Variants in SUGCT observed in about 807,000 individuals in gnomAD.
SUGCT encodes the protein succinyl-CoA:glutarate CoA-transferase.
A neutral mutation model predicts 55.0 loss-of-function variants in SUGCT; 41 were observed. That is an observed-to-expected ratio of 0.74 (90% CI 0.58 to 0.97). The LOEUF is 0.97. SUGCT is among the 50% of genes least tolerant of loss of function. SUGCT has a pLI of 0.00. For synonymous variants in SUGCT, 187 were observed against 200.4 expected (o/e 0.93, Z 0.56); for missense variants, 568 against 547.8 (o/e 1.04, Z -0.37).
At chr7:40,422,521 C>A (rs1023073197) in intron 9 of SUGCT, among the ~76,000 whole-genome samples, 3 of 152,056 alleles carry the variant, frequency 2.0e-5, no homozygotes, top group African/African-American at 7.2e-5. Context: ...TTGCAAATGT[C>A]TTTTTTCTTT....
chr7:40,154,576 C>T (rs1783787741), intron 1 of SUGCT, among the ~76,000 whole-genome samples: 1 of 152,004 alleles, frequency 6.6e-6, no homozygotes, highest in Non-Finnish European at 1.5e-5. Flanking sequence ...CTCCTGGGCT[C>T]AAGCAATCCT....
chr7:40,730,307 A>G (rs1426037929), intron 12 of SUGCT, among the ~76,000 whole-genome samples: 1 of 152,106 alleles, frequency 6.6e-6, no homozygotes, highest in Admixed American at 6.5e-5. Flanking sequence ...GGGTTTCACC[A>G]TGTTGACCAG....
At chr7:40,715,014 G>C (rs1029182174) in intron 12 of SUGCT, among the ~76,000 whole-genome samples, 3 of 152,114 alleles carry the variant, frequency 2.0e-5, no homozygotes, top group African/African-American at 7.2e-5. Flanking sequence ...TCAGTACACA[G>C]AGTGAATGTG....
At chr7:40,786,950 GC>G (rs1195749911) in intron 13 of SUGCT, among the ~76,000 whole-genome samples, 1 of 152,186 alleles carries the variant, frequency 6.6e-6, no homozygotes, top group Non-Finnish European at 1.5e-5. Context: ...CTTAATGTCA[GC>G]CCTGGTGAAA....
intron 13 of SUGCT, among the ~76,000 whole-genome samples, chr7:40,828,453 A>G (rs1792467257): frequency 6.6e-6 from 1 of 152,134 alleles, no homozygotes; most frequent in African/African-American, 2.4e-5. Flanking sequence ...GGGATGGAGA[A>G]AAGGCATCTG....
chr7:40,222,805 T>A (rs1788088574), intron 6 of SUGCT, among the ~76,000 whole-genome samples: 1 of 152,064 alleles, frequency 6.6e-6, no homozygotes, highest in Non-Finnish European at 1.5e-5. Flanking sequence ...AATTTTTGTA[T>A]TTTTAGTAGA....
the SUGCT span, among the ~76,000 whole-genome samples, chr7:40,988,388 G>C: frequency 3.3e-5 from 5 of 151,466 alleles, no homozygotes; most frequent in Non-Finnish European, 5.9e-5. Context: ...TCCAGGAGCA[G>C]ATTCTCCTTC....
At chr7:40,672,937 A>C (rs749534207) in intron 12 of SUGCT, among the ~76,000 whole-genome samples, 60 of 152,164 alleles carry the variant, frequency 3.9e-4, no homozygotes, top group Non-Finnish European at 1.2e-4. Context: ...CAATCCCCCA[A>C]GCAGGCTCCC....
chr7:40,868,213 A>G, the SUGCT span, among the ~76,000 whole-genome samples: 2,456 of 152,278 alleles, frequency 0.016, 158 homozygotes, highest in East Asian at 0.11. Context: ...CAAAACAAAA[A>G]TACGGGATAC....
intron 13 of SUGCT, among the ~76,000 whole-genome samples, chr7:40,769,344 T>A (rs982190914): frequency 1.3e-5 from 2 of 152,196 alleles, no homozygotes; most frequent in African/African-American, 4.8e-5. Context: ...CAATGCCCTC[T>A]AAATATGTCA....
At chr7:40,173,453 T>TA (rs1307799306) in intron 1 of SUGCT, among the ~76,000 whole-genome samples, 1 of 152,094 alleles carries the variant, frequency 6.6e-6, no homozygotes, top group Non-Finnish European at 1.5e-5. Flanking sequence ...GTTGCAAGAT[T>TA]TAATAGAGTG....
At chr7:40,541,671 C>A (rs1454424761) in intron 12 of SUGCT, among the ~76,000 whole-genome samples, 1 of 152,130 alleles carries the variant, frequency 6.6e-6, no homozygotes, top group Non-Finnish European at 1.5e-5. Context: ...TCAAAAGTTA[C>A]ATGAAATATA....
intron 12 of SUGCT, among the ~76,000 whole-genome samples, chr7:40,675,595 T>TG (rs1174174490): frequency 6.6e-6 from 1 of 152,122 alleles, no homozygotes; most frequent in African/African-American, 2.4e-5. Context: ...AAGCTACAGC[T>TG]GGGGGTCAGA....
At chr7:40,409,587 A>G (rs1028803615) in intron 9 of SUGCT, among the ~76,000 whole-genome samples, 1 of 152,058 alleles carries the variant, frequency 6.6e-6, no homozygotes, top group African/African-American at 2.4e-5. Flanking sequence ...CCTCAGTTCA[A>G]TTCTATTGTC....
the SUGCT span, among the ~76,000 whole-genome samples, chr7:40,977,535 T>G: frequency 6.6e-6 from 1 of 152,148 alleles, no homozygotes; most frequent in Non-Finnish European, 1.5e-5. Flanking sequence ...AGTTAGGGCT[T>G]CAGTATTTCT....
At chr7:40,834,429 T>C (rs1792857341) in intron 13 of SUGCT, among the ~76,000 whole-genome samples, 1 of 152,188 alleles carries the variant, frequency 6.6e-6, no homozygotes, top group South Asian at 2.1e-4. Context: ...TGGTTATAAA[T>C]AGGACACACA....
intron 12 of SUGCT, among the ~76,000 whole-genome samples, chr7:40,595,447 G>C (rs1386412319): frequency 6.6e-6 from 1 of 152,182 alleles, no homozygotes; most frequent in Non-Finnish European, 1.5e-5. Flanking sequence ...TGCATACAAA[G>C]TTGGGAGCAT....
At chr7:41,000,077 T>C in the SUGCT span, among the ~76,000 whole-genome samples, 3 of 152,200 alleles carry the variant, frequency 2.0e-5, no homozygotes, top group East Asian at 3.8e-4. Context: ...TGTTTTGTTT[T>C]GTTTTTGAGA....
intron 13 of SUGCT, among the ~76,000 whole-genome samples, chr7:40,811,105 G>C (rs968130734): frequency 1.1e-4 from 16 of 152,054 alleles, no homozygotes; most frequent in Admixed American, 4.6e-4. Context: ...TCTGTATTCT[G>C]TTCCATTGTT....
Sources: allele counts gnomAD v4.1 joint callset (sites outside exome capture counted in the v4.1 genomes callset), GRCh38; gene constraint gnomAD v4.1.1; transcripts MANE v1.5; gene names NCBI Gene and HGNC (gene_info 2026-07-23, HGNC 2026-07-21).